NXPE1: variants seen among roughly 807,000 people sequenced by gnomAD.
NXPE1 encodes the protein neurexophilin and PC-esterase domain family member 1.
Under a neutral mutation model 33.3 loss-of-function variants are expected in NXPE1, and 31 were observed. The observed-to-expected ratio is 0.93, with a 90% CI of 0.70 to 1.26. NXPE1 has a LOEUF of 1.26. NXPE1 is among the 50% of genes most tolerant of loss of function. The pLI is 0.00. For missense variants in NXPE1, 661 were observed against 655.6 expected (o/e 1.01, Z -0.09); for synonymous variants, 229 against 231.4 (o/e 0.99, Z 0.09).
exon 6 of NXPE1, chr11:114,530,535 T>C: frequency 6.2e-7 from 1 of 1,613,978 alleles, no homozygotes; most frequent in Non-Finnish European, 8.5e-7. Flanking sequence ...ATTGTTGAAG[T>C]CCATCACCTT....
At chr11:114,519,097 C>G (rs910983455), downstream of NXPE1, among the ~76,000 whole-genome samples, 7 of 152,068 alleles carry the variant, frequency 4.6e-5, no homozygotes, top group African/African-American at 1.7e-4. Context: ...ACCAATTGAC[C>G]CCACAATTTT....
Position 114,546,998 on chromosome 11 carries a change from A to C in NXPE1, c.99+4105T>G, listed in dbSNP as rs114654234. 3.9e-5 allele frequency among the ~76,000 whole-genome samples: 6 copies of C among 152,224 alleles called. 1 individual carries two copies. The South Asian group carries it at 1.2e-3, about 32-fold the overall frequency. On this transcript the variant is annotated intron_variant, in intron 5 of 8. Coordinates refer to ENST00000534921, the Ensembl canonical transcript of NXPE1. Reference sequence around the variant, plus strand: ...AATAAACAAATATGTAAGGGATAATAGACAAATCTCTTGTACAGAAGAATT... The same window carrying C: ...AATAAACAAATATGTAAGGGATAATCGACAAATCTCTTGTACAGAAGAATT...
At chr11:114,537,520 A>G (rs1268618249) in intron 5 of NXPE1, among the ~76,000 whole-genome samples, 2 of 152,202 alleles carry the variant, frequency 1.3e-5, no homozygotes, top group Non-Finnish European at 2.9e-5. Flanking sequence ...ATGATTGTAT[A>G]TCTAGAAAAC....
At chr11:114,533,068 C>T (rs982678044) in intron 5 of NXPE1, among the ~76,000 whole-genome samples, 3 of 152,046 alleles carry the variant, frequency 2.0e-5, no homozygotes, top group African/African-American at 7.2e-5. Context: ...TTCAACATAA[C>T]GTTAGAAGTC....
intron 6 of NXPE1, chr11:114,529,031 T>C: frequency 2.4e-6 from 1 of 408,428 alleles, no homozygotes; most frequent in Non-Finnish European, 4.4e-6. Flanking sequence ...TGAGGTAAGA[T>C]TCTGGAATGC....
intron 1 of NXPE1, among the ~76,000 whole-genome samples, chr11:114,557,723 C>A (rs959761069): frequency 1.4e-5 from 2 of 142,562 alleles, no homozygotes; most frequent in African/African-American, 5.1e-5. Flanking sequence ...CTTTTTCATT[C>A]TTCTTTGCCG....
chr11:114,523,408 T>C (rs1023182177), intron 7 of NXPE1, among the ~76,000 whole-genome samples: 1 of 152,198 alleles, frequency 6.6e-6, no homozygotes, highest in African/African-American at 2.4e-5. Context: ...ACTTCTGTCT[T>C]TGTCTCTTAC....
chr11:114,521,848 C>T, exon 9 of NXPE1: 1 of 778,886 alleles, frequency 1.3e-6, no homozygotes, highest in Non-Finnish European at 2.0e-6. Flanking sequence ...CCTTCCTCCC[C>T]AAACAGATTC....
chr11:114,537,754 A>G (rs2135021720), intron 5 of NXPE1, among the ~76,000 whole-genome samples: 1 of 152,114 alleles, frequency 6.6e-6, no homozygotes. Context: ...AAGGAGAACT[A>G]CAAACCACTG....
chr11:114,535,306 G>A (rs989170938), intron 5 of NXPE1, among the ~76,000 whole-genome samples: 12 of 152,102 alleles, frequency 7.9e-5, no homozygotes, highest in Non-Finnish European at 1.3e-4. Context: ...AGGAGCAACC[G>A]GTACCAGCCA....
chr11:114,530,570 T>C, exon 6 of NXPE1: 1 of 1,614,012 alleles, frequency 6.2e-7, no homozygotes, highest in Non-Finnish European at 8.5e-7. Flanking sequence ...CCGTCAGTGC[T>C]GGGGAGGACA....
At chr11:114,550,106 A>C (rs1948422283) in intron 5 of NXPE1, among the ~76,000 whole-genome samples, 1 of 152,150 alleles carries the variant, frequency 6.6e-6, no homozygotes, top group Non-Finnish European at 1.5e-5. Context: ...TTGGATAGAA[A>C]AACTTAACAT....
chr11:114,533,684 A>G (rs142200836), intron 5 of NXPE1, among the ~76,000 whole-genome samples: 2,082 of 152,236 alleles, frequency 0.014, 52 homozygotes, highest in African/African-American at 0.048. Flanking sequence ...AGCCTTGCTC[A>G]TTGCTAGCAC....
At chr11:114,537,782 G>A (rs1177367928) in intron 5 of NXPE1, among the ~76,000 whole-genome samples, 1 of 151,624 alleles carries the variant, frequency 6.6e-6, no homozygotes, top group Non-Finnish European at 1.5e-5. Flanking sequence ...AAATAAAAGA[G>A]GATACAAACA....
intron 1 of NXPE1, 69 bp downstream of exon 1, chr11:114,559,729 C>T (rs1156904036): frequency 6.6e-6 from 1 of 152,178 alleles, no homozygotes; most frequent in Non-Finnish European, 1.5e-5. Context: ...TTGTTCTTCC[C>T]TGCCCTCCAC....
intron 5 of NXPE1, among the ~76,000 whole-genome samples, chr11:114,547,446 T>C (rs1948320477): frequency 1.3e-5 from 2 of 152,166 alleles, no homozygotes; most frequent in Admixed American, 1.3e-4. Context: ...CAATGAAATA[T>C]AATGTTGGCT....
At chr11:114,559,599 TCTCA>T (rs972587137) in intron 1 of NXPE1, among the ~76,000 whole-genome samples, 195 bp downstream of exon 1, 2 of 151,576 alleles carry the variant, frequency 1.3e-5, no homozygotes, top group African/African-American at 2.4e-5. Flanking sequence ...TAAGAGAGGC[TCTCA>T]CTATCAGTTT....
intron 5 of NXPE1, among the ~76,000 whole-genome samples, chr11:114,535,039 G>A (rs190304792): frequency 2.6e-5 from 4 of 152,238 alleles, no homozygotes; most frequent in Non-Finnish European, 4.4e-5. Flanking sequence ...GAGAAAGGTC[G>A]GGTTACCCAC....
intron 5 of NXPE1, among the ~76,000 whole-genome samples, chr11:114,534,001 T>A (rs1947692385): frequency 6.6e-6 from 1 of 152,342 alleles, no homozygotes; most frequent in East Asian, 1.9e-4. Context: ...AGTGGGTCCC[T>A]GACCCCCAAG....
Sources: allele counts gnomAD v4.1 joint callset (sites outside exome capture counted in the v4.1 genomes callset), GRCh38; gene constraint gnomAD v4.1.1; transcripts MANE v1.5; gene names NCBI Gene and HGNC (gene_info 2026-07-23, HGNC 2026-07-21).